Variants in DMKN observed in about 807,000 individuals in gnomAD.
DMKN encodes the protein epidermis-specific secreted protein SK30/SK89.
A neutral mutation model predicts 67.6 loss-of-function variants in DMKN; 58 were observed. That is an observed-to-expected ratio of 0.86 (90% CI 0.69 to 1.07). DMKN has a LOEUF of 1.07. Ranked by LOEUF, DMKN falls within the 50% of genes least tolerant of loss-of-function variation. The pLI is 0.00. For missense variants in DMKN, 596 were observed against 601.5 expected, an observed-to-expected ratio of 0.99 and a Z score of 0.10; for synonymous variants, 240 against 232.3, an observed-to-expected ratio of 1.03 and a Z score of -0.30.
rs569982946 is a variant in DMKN, at chr19:35,511,772, G to T, written c.726C>A (p.Ser242Arg). ...GCCCCTCTCCACTCACCCCAGAGTTGCTGGAGCCTCCACCTGAGCCAGATG... is the reference window on the plus strand; with the variant it reads ...GCCCCTCTCCACTCACCCCAGAGTTTCTGGAGCCTCCACCTGAGCCAGATG... ...PPPSGSGGGS[S>R]NSGGGSGSQS... Residue 242 changes from serine (S) to arginine (R), a missense_variant, in exon 4 of 16, where the codon AGC becomes AGA. Physicochemically the swap from Ser to Arg is moderately radical, Grantham distance 110 (BLOSUM62 -1). Transcript: ENST00000339686. The T allele has an allele frequency of 6.2e-6, 10 of 1,613,132 alleles. No homozygotes were observed. The highest frequency in any genetic ancestry group is 3.3e-5 in the Admixed American group (2 of 59,882).
intron 7 of DMKN, chr19:35,506,281 G>T (rs1056349162): frequency 2.4e-6 from 3 of 1,267,786 alleles, no homozygotes; most frequent in African/African-American, 3.0e-5. Flanking sequence ...TCCCCACCTC[G>T]GTCCAGGCTT....
intron 9 of DMKN, chr19:35,503,266 T>C (rs2145950526): frequency 6.8e-7 from 1 of 1,477,362 alleles, no homozygotes; most frequent in Non-Finnish European, 9.0e-7. Flanking sequence ...CCACCCTGGA[T>C]AACAGCGGAG....
rs2146042624 is a variant in DMKN, at chr19:35,505,992, G to A, written c.1039-6C>T. ...CCAGGAGACGTCTCAGAGTTCTATG[G>A]AACCAAGGAGATATGGGATGAGAGA... On this transcript the variant is annotated splice_polypyrimidine_tract_variant and splice_region_variant and intron_variant, in intron 7 of 15. Transcript: ENST00000339686. The A allele has an allele frequency of 6.2e-7, 1 of 1,614,144 alleles. No homozygotes were observed.
At position 35,511,555 on chromosome 19, in the gene DMKN, G is replaced by A. The variant is rs374681478; in HGVS notation, c.774C>T (p.Gly258=). 21 of 1,589,890 alleles carry A rather than the reference G, an allele frequency of 1.3e-5. No homozygotes were observed. Among genetic ancestry groups the A allele is most frequent in the African/African-American group, 5.5e-5 (4 of 72,898 alleles). The part of the protein sequence containing the change: ...SGSQSGSSGS[G]SNGDNNNGSS... ...TGCCATTGTTGTTGTCACCATTGCT[G>A]CCACTGCCACTGCTGCCCGACTGTG... Residue 258 remains glycine, a synonymous_variant, in exon 5 of 16, where the codon GGC becomes GGT. Transcript: ENST00000339686.
At chr19:35,508,908 A>C (rs2070146910) in intron 7 of DMKN, among the ~76,000 whole-genome samples, 1 of 152,118 alleles carries the variant, frequency 6.6e-6, no homozygotes, top group African/African-American at 2.4e-5. Flanking sequence ...TATACTTAAA[A>C]CTGAGGTATA....
chr19:35,498,823 C>T, intron 14 of DMKN, 51 bp downstream of exon 14: 1 of 1,614,170 alleles, frequency 6.2e-7, no homozygotes, highest in Admixed American at 1.7e-5. Context: ...ACCCTCTGGC[C>T]TCAGGCCCCT....
chr19:35,503,204 C>A (rs1214259272), intron 9 of DMKN: 2 of 1,427,194 alleles, frequency 1.4e-6, no homozygotes, highest in Admixed American at 2.9e-5. Flanking sequence ...ACCTGCCGGG[C>A]CTCCTCCAGC....
chr19:35,500,028 T>C lies in DMKN; in HGVS notation c.1289A>G (p.Asn430Ser), dbSNP rs745699896. The change falls in exon 13 of 16, where the codon AAC becomes AGC. Residue 430 changes from asparagine (N) to serine (S), a missense_variant and splice_region_variant. Asn to Ser is a conservative substitution (Grantham distance 46, BLOSUM62 1). Transcript: ENST00000339686. ...ATACGCATGCTGGTTGTAATTGTAG[T>C]TCTGTGGAAGAAGTGGGCATGGCGG... ...LQKRAGRDDQ[N>S]YNYNQHAYPT... The C allele has an allele frequency of 7.4e-6, 12 of 1,614,062 alleles. No individual in the cohort carries two copies. The highest frequency in any genetic ancestry group is 6.7e-5 in the East Asian group (3 of 44,886).
intron 9 of DMKN, among the ~76,000 whole-genome samples, chr19:35,504,338 A>G (rs2069016415): frequency 6.6e-6 from 1 of 152,166 alleles, no homozygotes; most frequent in Admixed American, 6.5e-5. Flanking sequence ...ACATTTTGGG[A>G]AGCCAAGGTG....
At chr19:35,503,622 C>T (rs1357635793) in intron 9 of DMKN, among the ~76,000 whole-genome samples, 1 of 152,024 alleles carries the variant, frequency 6.6e-6, no homozygotes, top group East Asian at 1.9e-4. Context: ...ACTACAGGCG[C>T]ACACCACCAC....
Position 35,508,008 on chromosome 19 carries a change from G to A in DMKN, c.1038+1903C>T, listed in dbSNP as rs978165466. On this transcript the variant is annotated intron_variant, in intron 7 of 15. Transcript: ENST00000339686. ...TGGCTGGTCCCCTCTTAAGGGAGAGGTGGGCTCCTCTGGAGTCCTGCTTTA... is the reference window on the plus strand; with the variant it reads ...TGGCTGGTCCCCTCTTAAGGGAGAGATGGGCTCCTCTGGAGTCCTGCTTTA... The A allele has an allele frequency of 2.9e-4, 182 of 632,504 alleles. 1 individual carries two copies. The highest frequency in any genetic ancestry group is 1.4e-3 in the Admixed American group (43 of 31,244). 39.2% of individuals were successfully genotyped at this position (632,504 alleles called of 1,614,324 possible).
In DMKN at chr19:35,512,494, A is replaced by C. The variant is rs200145854; in HGVS notation, c.628-17T>G. ...CACAGCTCCCTGCAGAGAGGGTGAGACTGAGAGTAGGATCCAGAGGGACCA... is the reference window on the plus strand; with the variant it reads ...CACAGCTCCCTGCAGAGAGGGTGAGCCTGAGAGTAGGATCCAGAGGGACCA... On this transcript the variant is annotated splice_polypyrimidine_tract_variant and intron_variant, in intron 2 of 15. Coordinates refer to ENST00000339686, the MANE Select transcript of DMKN (RefSeq NM_033317.5). 3.1e-4 allele frequency: 495 copies of C among 1,614,142 alleles called. 1 individual carries two copies. The highest frequency in any genetic ancestry group is 4.1e-4 in the Non-Finnish European group (486 of 1,180,012).
At chr19:35,499,548 A>G (rs974510089) in intron 13 of DMKN, among the ~76,000 whole-genome samples, 2 of 152,162 alleles carry the variant, frequency 1.3e-5, no homozygotes, top group Non-Finnish European at 2.9e-5. Flanking sequence ...CCTAAGTGCT[A>G]GTCTGCTTTC....
intron 10 of DMKN, among the ~76,000 whole-genome samples, chr19:35,502,532 CT>C (rs1261613802): frequency 6.6e-6 from 1 of 151,572 alleles, no homozygotes; most frequent in Middle Eastern, 3.2e-3. Context: ...AACCCTGTCT[CT>C]ACTAAAAATA....
At chr19:35,508,376 C>T in intron 7 of DMKN, 2 of 979,076 alleles carry the variant, frequency 2.0e-6, no homozygotes, top group Non-Finnish European at 2.9e-6. Flanking sequence ...CAAACACTGA[C>T]ATTTTTTTAG....
chr19:35,508,282 C>T, intron 7 of DMKN: 2 of 1,549,492 alleles, frequency 1.3e-6, no homozygotes, highest in Non-Finnish European at 1.7e-6. Flanking sequence ...TGCTGAAGAT[C>T]CTGAGGCCAC....
chr19:35,508,441 T>G, intron 7 of DMKN: 2 of 570,420 alleles, frequency 3.5e-6, no homozygotes, highest in South Asian at 2.3e-5. Context: ...AAATGGTAAG[T>G]GAAGATAAGA....
At chr19:35,499,002 AG>A in intron 13 of DMKN, 105 bp from the exon 14 acceptor site, 1 of 1,544,866 alleles carries the variant, frequency 6.5e-7, no homozygotes, top group Non-Finnish European at 8.9e-7. Context: ...GGCTCACACC[AG>A]GGCTATCACC....
chr19:35,503,173 G>T, intron 9 of DMKN: 1 of 1,319,186 alleles, frequency 7.6e-7, no homozygotes, highest in Non-Finnish European at 1.0e-6. Flanking sequence ...ACTAGGACCT[G>T]CCTCAGAGTG....
Sources: allele counts gnomAD v4.1 joint callset (sites outside exome capture counted in the v4.1 genomes callset), GRCh38; gene constraint gnomAD v4.1.1; transcripts MANE v1.5; gene names NCBI Gene and HGNC (gene_info 2026-07-23, HGNC 2026-07-21).